The following ZXDC variants were observed in gnomAD, a reference collection of about 807,000 sequenced individuals.
ZXDC encodes zinc finger protein ZXDC.
Under a neutral mutation model 63.6 loss-of-function variants are expected in ZXDC, and 58 were observed. The ratio of observed to expected loss-of-function variants is 0.91; its 90% CI spans 0.74 to 1.13. ZXDC has a LOEUF of 1.13. ZXDC is among the 50% of genes most tolerant of loss of function. The probability of loss-of-function intolerance (pLI) is 0.00; values close to 1 mark genes in which losing one functional copy is unlikely to be tolerated. For synonymous variants in ZXDC, 561 were observed against 496.1 expected (o/e 1.13, Z -1.74); for missense variants, 1,133 against 1,148.9 (o/e 0.99, Z 0.20).
intron 7 of ZXDC, chr3:126,458,611 A>AGG: frequency 1.0e-6 from 1 of 985,358 alleles, no homozygotes; most frequent in Non-Finnish European, 1.2e-6. Flanking sequence ...CCTCCTTTAT[A>AGG]GATAGTACTC....
intron 7 of ZXDC, among the ~76,000 whole-genome samples, chr3:126,452,749 T>A (rs1046917092): frequency 1.3e-5 from 2 of 151,720 alleles, no homozygotes; most frequent in African/African-American, 4.8e-5. Flanking sequence ...TTTTTCTTTT[T>A]TTTTTTTTTG....
rs748335317 is a variant in ZXDC at position 126,475,506 on chromosome 3, G to C, written c.360C>G (p.Gly120=). The change falls in exon 1 of 10, where the codon GGC becomes GGG. Residue 120 remains glycine (G), a synonymous_variant. Transcript: ENST00000389709. ...QGPSGPAAPP[G]PGVAPAGAVT... ...CGGCGCCCGCCGGGGCTACGCCAGG[G>C]CCGGGGGGGGCGGCCGGGCCGCTGG... is the stretch of plus-strand genomic sequence containing the variant. 4 of 1,243,806 alleles carry C rather than the reference G, an allele frequency of 3.2e-6. No homozygotes were observed. In the African/African-American group the frequency reaches 4.7e-5, roughly 15 times the overall value. The allele number at this position is 1,243,806 out of a possible 1,614,324, so 77.0% of individuals were successfully genotyped here. A position where few individuals can be genotyped will look rare whatever the true frequency, so the allele number is the denominator to read the frequency against.
At chr3:126,453,323 C>T in intron 7 of ZXDC, 1 of 985,332 alleles carries the variant, frequency 1.0e-6, no homozygotes, top group Non-Finnish European at 1.2e-6. Context: ...GCCTAGGGGC[C>T]ATATCCCCTT....
At chr3:126,469,024 A>G (rs1047248138) in intron 4 of ZXDC, among the ~76,000 whole-genome samples, 2 of 152,210 alleles carry the variant, frequency 1.3e-5, no homozygotes, top group Non-Finnish European at 2.9e-5. Context: ...CATATGCGCT[A>G]AACTTAGTAA....
chr3:126,453,251 A>G (rs1934180111), intron 7 of ZXDC: 1 of 985,332 alleles, frequency 1.0e-6, no homozygotes, highest in Non-Finnish European at 1.2e-6. Flanking sequence ...AGGTATTCCA[A>G]AGAATTTGTG....
At chr3:126,454,339 A>G (rs1934228978) in intron 7 of ZXDC, 11 of 985,106 alleles carry the variant, frequency 1.1e-5, no homozygotes, top group Non-Finnish European at 1.3e-5. Flanking sequence ...AAATATTCAT[A>G]TAAATGTCTA....
Position 126,457,136 on chromosome 3 carries a change from G to A in ZXDC, c.2212+2517C>T, listed in dbSNP as rs1236006668. 1.6e-5 allele frequency: 7 copies of A among 448,128 alleles called. No homozygotes were observed. The East Asian group carries it at 4.6e-4, about 30-fold the overall frequency. 27.8% of individuals were successfully genotyped at this position (448,128 alleles called of 1,614,324 possible). A position where few individuals can be genotyped will look rare whatever the true frequency, so the allele number is the denominator to read the frequency against. ...TTAAATGCACATGGAACCTGGAACAGGGAAGGGCACTGGGGGAGTCTGGTC... is the reference window on the plus strand; with the variant it reads ...TTAAATGCACATGGAACCTGGAACAAGGAAGGGCACTGGGGGAGTCTGGTC... On this transcript the variant is annotated intron_variant, in intron 7 of 9. Transcript: ENST00000389709.
rs1249759497 is a variant in ZXDC at position 126,475,344 on chromosome 3, G to A, written c.522C>T (p.Gly174=). The A allele has an allele frequency of 6.6e-7, 1 of 1,520,360 alleles. No individual in the cohort carries two copies. Among genetic ancestry groups the A allele is most frequent in the Admixed American group, 2.1e-5 (1 of 48,628 alleles). The allele number at this position is 1,520,360 out of a possible 1,614,324, so 94.2% of individuals were successfully genotyped here. A position where few individuals can be genotyped will look rare whatever the true frequency, so the allele number is the denominator to read the frequency against. ...APQASGPSTP[G]YRCPEPQCAL... Reference sequence around the variant, plus strand: ...CGCACTGCGGCTCGGGGCAGCGGTAGCCGGGCGTGCTGGGGCCGGAGGCCT... The same window carrying A: ...CGCACTGCGGCTCGGGGCAGCGGTAACCGGGCGTGCTGGGGCCGGAGGCCT... The change falls in exon 1 of 10, where the codon GGC becomes GGT. Residue 174 remains glycine, a synonymous_variant. Transcript: ENST00000389709.
In ZXDC at chr3:126,441,801, C is replaced by A. The variant is rs755217629; in HGVS notation, c.2358G>T (p.Gln786His). 1.9e-5 allele frequency: 31 copies of A among 1,612,340 alleles called. No homozygotes were observed. Among genetic ancestry groups the A allele is most frequent in the Non-Finnish European group, 2.4e-5 (28 of 1,179,476 alleles). ...GGACCTGGACGCCCTGCGCCCCGCACTGCACCCCAGCTGCTGGAGCTGGTC... is the reference window on the plus strand; with the variant it reads ...GGACCTGGACGCCCTGCGCCCCGCAATGCACCCCAGCTGCTGGAGCTGGTC... Reference protein sequence around the residue: ...RPGPAPAAGVQCGAQGVQVQL... With the variant: ...RPGPAPAAGVHCGAQGVQVQL... The change falls in exon 8 of 10, where the codon CAG becomes CAT. Residue 786 changes from glutamine (Q) to histidine (H), a missense_variant. Coordinates refer to ENST00000389709, the MANE Select transcript of ZXDC (RefSeq NM_025112.5).
chr3:126,466,963 C>T (rs527783549), intron 4 of ZXDC, among the ~76,000 whole-genome samples: 1 of 152,192 alleles, frequency 6.6e-6, no homozygotes, highest in African/African-American at 2.4e-5. Context: ...TTCTACTACG[C>T]TGGAGCTCTG....
intron 4 of ZXDC, among the ~76,000 whole-genome samples, chr3:126,470,163 T>C (rs1330226715): frequency 2.0e-5 from 3 of 152,216 alleles, no homozygotes; most frequent in African/African-American, 7.2e-5. Flanking sequence ...AAAACCACTC[T>C]ACTATACCTT....
Position 126,461,581 on chromosome 3 carries a change from C to A in ZXDC, c.2081G>T (p.Gly694Val), listed in dbSNP as rs1243622295. The A allele has an allele frequency of 6.2e-7, 1 of 1,614,018 alleles. No homozygotes were observed. Among genetic ancestry groups the A allele is most frequent in the Non-Finnish European group, 8.5e-7 (1 of 1,179,998 alleles). The change falls in exon 6 of 10, where the codon GGT becomes GTT. Residue 694 changes from glycine to valine, a missense_variant. By Grantham distance (109) the Gly-to-Val change is moderately radical (BLOSUM62 -3). Coordinates refer to ENST00000389709, the MANE Select transcript of ZXDC (RefSeq NM_025112.5). ...STLPSPAEQH[G>V]AQDTELSAGT... The stretch of plus-strand genomic sequence containing the variant: ...TGCACTGAGCTCTGTGTCCTGGGCA[C>A]CGTGCTGCTCTGCTGGACTGGGCAA...
At position 126,465,941 on chromosome 3, in the gene ZXDC, C is replaced by A. The variant is rs187983081; in HGVS notation, c.1441+214G>T. Reference sequence around the variant, plus strand: ...TCCAGTCAGGGTGACAGAGAGGGACCCTGTCTCAAAAAACAAAAGACATGG... The same window carrying A: ...TCCAGTCAGGGTGACAGAGAGGGACACTGTCTCAAAAAACAAAAGACATGG... On this transcript the variant is annotated intron_variant, in intron 5 of 9. Transcript: ENST00000389709. 5.0e-4 allele frequency among the ~76,000 whole-genome samples: 76 copies of A among 151,844 alleles called. 2 individuals are homozygous for A. The East Asian group carries it at 9.7e-3, about 19-fold the overall frequency.
intron 7 of ZXDC, chr3:126,452,685 T>G: frequency 2.0e-5 from 11 of 542,930 alleles, no homozygotes; most frequent in Non-Finnish European, 2.6e-5. Context: ...AGATCCTAAG[T>G]GTGTTTTATT....
Position 126,439,510 on chromosome 3 carries a change from C to T in ZXDC, c.2490+122G>A, listed in dbSNP as rs1933590092. The T allele has an allele frequency of 3.4e-5, 51 of 1,514,020 alleles. No individual in the cohort carries two copies. The South Asian group carries it at 5.5e-4, about 16-fold the overall frequency. 93.8% of individuals were successfully genotyped at this position (1,514,020 alleles called of 1,614,324 possible). ...CAGCAAGACATCCTGGCAACCAACC[C>T]ACTGAGCCTCCCAAGCCACGCGGCC... On this transcript the variant is annotated intron_variant, in intron 9 of 9. Coordinates refer to ENST00000389709, the MANE Select transcript of ZXDC (RefSeq NM_025112.5).
intron 7 of ZXDC, chr3:126,454,815 C>T (rs952917564): frequency 1.0e-6 from 1 of 985,404 alleles, no homozygotes; most frequent in Non-Finnish European, 1.2e-6. Flanking sequence ...AAGAATAAAA[C>T]TTGACATTTT....
intron 7 of ZXDC, chr3:126,452,019 T>C (rs1276421393): frequency 2.0e-6 from 2 of 985,230 alleles, no homozygotes; most frequent in Non-Finnish European, 2.4e-6. Context: ...CTTTATTCTG[T>C]ATGGAATTCT....
intron 7 of ZXDC, among the ~76,000 whole-genome samples, chr3:126,447,224 A>C (rs1292327675): frequency 6.6e-6 from 1 of 152,244 alleles, no homozygotes; most frequent in Non-Finnish European, 1.5e-5. Context: ...AAAGTATGTA[A>C]GTGAACAAGA....
intron 7 of ZXDC, among the ~76,000 whole-genome samples, chr3:126,445,564 G>A (rs1014271241): frequency 3.3e-5 from 5 of 151,982 alleles, no homozygotes; most frequent in African/African-American, 7.2e-5. Context: ...TAGAAGTCTG[G>A]TGGAGAGTTG....
Sources: gnomAD v4.1 joint callset for allele counts (sites outside exome capture counted in the v4.1 genomes callset) on GRCh38, gnomAD v4.1.1 for gene constraint, MANE v1.5 for transcripts, NCBI Gene and HGNC (gene_info 2026-07-23, HGNC 2026-07-21) for gene names.